The following RUNDC3B variants were observed in gnomAD, a reference collection of about 807,000 sequenced individuals.
RUNDC3B encodes RUN domain-containing protein 3B.
Under a neutral mutation model 58.4 loss-of-function variants are expected in RUNDC3B, and 33 were observed. The ratio of observed to expected loss-of-function variants is 0.56; its 90% CI spans 0.43 to 0.75. RUNDC3B has a LOEUF of 0.75. Ranked by LOEUF, RUNDC3B falls within the 30% of genes least tolerant of loss-of-function variation. RUNDC3B has a pLI of 0.00. For missense variants in RUNDC3B, 501 were observed against 535.7 expected (o/e 0.94, Z 0.64); for synonymous variants, 193 against 195.2 (o/e 0.99, Z 0.10).
rs535359624 is a variant in RUNDC3B, at chr7:87,642,326, G to T, written c.123-8496G>T. ...TAAACCATGAAGACTATATGTTATG[G>T]TTTTTTTCTGTTCTTCACGTTGTTC... On this transcript the variant is annotated intron_variant, in intron 1 of 10. Coordinates refer to ENST00000394654, the MANE Select transcript of RUNDC3B (RefSeq NM_001134405.2). 7.2e-5 allele frequency among the ~76,000 whole-genome samples: 11 copies of T among 152,028 alleles called. No homozygotes were observed. The East Asian group carries it at 1.4e-3, about 19-fold the overall frequency.
At chr7:87,700,015 T>C (rs1828879674) in intron 2 of RUNDC3B, among the ~76,000 whole-genome samples, 1 of 152,166 alleles carries the variant, frequency 6.6e-6, no homozygotes, top group African/African-American at 2.4e-5. Context: ...TTTTTTCTGT[T>C]TTTTTAAATA....
chr7:87,773,912 A>T (rs1834465506), intron 7 of RUNDC3B, among the ~76,000 whole-genome samples: 1 of 152,036 alleles, frequency 6.6e-6, no homozygotes, highest in Non-Finnish European at 1.5e-5. Context: ...TCCTGACCTC[A>T]AGTGATCTGC....
At chr7:87,663,764 A>T (rs1824948835) in intron 2 of RUNDC3B, among the ~76,000 whole-genome samples, 1 of 152,126 alleles carries the variant, frequency 6.6e-6, no homozygotes. Flanking sequence ...TTTATTTCTC[A>T]GTTCTGGAGG....
chr7:87,791,153 A>G (rs1283635319), intron 8 of RUNDC3B, among the ~76,000 whole-genome samples: 1 of 152,194 alleles, frequency 6.6e-6, no homozygotes, highest in Non-Finnish European at 1.5e-5. Context: ...CTCAGTGGAA[A>G]TCTTACAGGT....
At chr7:87,661,136 G>A (rs1456244294) in intron 2 of RUNDC3B, among the ~76,000 whole-genome samples, 1 of 151,088 alleles carries the variant, frequency 6.6e-6, no homozygotes, top group African/African-American at 2.4e-5. Context: ...TAATTTTATG[G>A]GTACATAGTA....
intron 2 of RUNDC3B, among the ~76,000 whole-genome samples, chr7:87,681,460 A>G (rs1826919669): frequency 6.6e-6 from 1 of 150,822 alleles, no homozygotes; most frequent in African/African-American, 2.5e-5. Flanking sequence ...GCAAGTCACA[A>G]AAAATTTTTG....
chr7:87,652,683 A>T (rs1823704196), intron 2 of RUNDC3B, among the ~76,000 whole-genome samples: 1 of 148,132 alleles, frequency 6.8e-6, no homozygotes, highest in Non-Finnish European at 1.5e-5. Context: ...TTTTGAGATG[A>T]GGTATTTTAA....
intron 4 of RUNDC3B, among the ~76,000 whole-genome samples, chr7:87,711,771 A>G (rs575501179): frequency 4.6e-5 from 7 of 152,276 alleles, no homozygotes; most frequent in Admixed American, 1.3e-4. Context: ...TGGTAACCCA[A>G]TTGGACAGAT....
At position 87,799,396 on chromosome 7, in the gene RUNDC3B, C is replaced by T. The variant is rs148162422; in HGVS notation, c.957-7977C>T. Among the ~76,000 whole-genome samples the T allele has an allele frequency of 1.2e-4, 19 of 152,260 alleles. No individual in the cohort carries two copies. In the East Asian group the frequency reaches 3.1e-3, roughly 25 times the overall value. ...GAGTCAGGGGTTAGAGTATATGTAA[C>T]ACCTTTATCTTTGGTGACTTTCCCT... is the stretch of plus-strand genomic sequence containing the variant. On this transcript the variant is annotated intron_variant, in intron 8 of 10. Coordinates refer to ENST00000394654, the MANE Select transcript of RUNDC3B (RefSeq NM_001134405.2).
chr7:87,702,102 C>T (rs1829108702), intron 3 of RUNDC3B, among the ~76,000 whole-genome samples: 2 of 123,512 alleles, frequency 1.6e-5, no homozygotes, highest in African/African-American at 6.3e-5. Context: ...GAGATCGCGC[C>T]ACTGCACTCC....
At chr7:87,775,317 T>A (rs139423140) in intron 7 of RUNDC3B, among the ~76,000 whole-genome samples, 1 of 152,332 alleles carries the variant, frequency 6.6e-6, no homozygotes, top group Admixed American at 6.5e-5. Flanking sequence ...AAAAAGTTTT[T>A]AAAATGTTTC....
In RUNDC3B at chr7:87,628,584, CGTGTGTGTGTGTGT is replaced by C. The variant is rs71117546; in HGVS notation, c.-212_-199del. ...CGAGGGCGGAGGTGGTGCGTGCGTGCGTGTGTGTGTGTGTGTGTGTGTGTGTGTGTGTGTGTGTG... is the reference window on the plus strand; with the variant it reads ...CGAGGGCGGAGGTGGTGCGTGCGTGCGTGTGTGTGTGTGTGTGTGTGTGTG... On this transcript the variant is annotated 5_prime_UTR_variant, in exon 1 of 11. Transcript: ENST00000394654. 3.9e-3 allele frequency: 1,142 copies of C among 290,108 alleles called. 6 individuals are homozygous for C. Among genetic ancestry groups the C allele is most frequent in the South Asian group, 0.021 (122 of 5,762 alleles). 18.0% of individuals were successfully genotyped at this position (290,108 alleles called of 1,614,324 possible). A position where few individuals can be genotyped will look rare whatever the true frequency, so the allele number is the denominator to read the frequency against.
intron 10 of RUNDC3B, among the ~76,000 whole-genome samples, chr7:87,827,760 A>G (rs1342812750): frequency 1.3e-5 from 2 of 152,196 alleles, no homozygotes; most frequent in African/African-American, 4.8e-5. Context: ...CAACATAATT[A>G]CTAGGGTATA....
chr7:87,684,237 CGTT>C (rs1279581962), intron 2 of RUNDC3B, among the ~76,000 whole-genome samples: 3 of 152,062 alleles, frequency 2.0e-5, no homozygotes, highest in African/African-American at 7.2e-5. Flanking sequence ...TTGGAAAACT[CGTT>C]GTTAAGATGT....
chr7:87,659,235 C>T (rs982375886), intron 2 of RUNDC3B: 4 of 422,256 alleles, frequency 9.5e-6, no homozygotes, highest in African/African-American at 8.3e-5. Flanking sequence ...TGGGTAAATA[C>T]ATTAGGCTTT....
Position 87,754,216 on chromosome 7 carries a change from A to G in RUNDC3B, c.629+12637A>G, listed in dbSNP as rs375401816. ...TAAAACAATCCTCAACAAATGCAAAAGAACCAAAATCATACCAAACACACT... is the reference window on the plus strand; with the variant it reads ...TAAAACAATCCTCAACAAATGCAAAGGAACCAAAATCATACCAAACACACT... On this transcript the variant is annotated intron_variant, in intron 6 of 10. Transcript: ENST00000394654. 2.6e-5 allele frequency among the ~76,000 whole-genome samples: 4 copies of G among 152,364 alleles called. No individual in the cohort carries two copies. The East Asian group carries it at 5.8e-4, about 22-fold the overall frequency.
At chr7:87,817,385 A>C (rs1195301301) in intron 10 of RUNDC3B, among the ~76,000 whole-genome samples, 1 of 152,200 alleles carries the variant, frequency 6.6e-6, no homozygotes, top group African/African-American at 2.4e-5. Context: ...AGCCTGCTTC[A>C]GACTCTCCAA....
chr7:87,831,930 G>A lies in RUNDC3B; in HGVS notation c.*1900G>A, dbSNP rs1004129732. ...GAAGGAAATTCAAGATTCCATAATC[G>A]TAAAATTTTTCAGATTTGTCTAATG... is the stretch of plus-strand genomic sequence containing the variant. On this transcript the variant is annotated 3_prime_UTR_variant, in exon 11 of 11. Coordinates refer to ENST00000394654, the MANE Select transcript of RUNDC3B (RefSeq NM_001134405.2). 4.6e-5 allele frequency: 7 copies of A among 151,948 alleles called. No individual in the cohort carries two copies. The highest frequency in any genetic ancestry group is 6.8e-3 in the Middle Eastern group (2 of 294). The allele number at this position is 151,948 out of a possible 1,614,324, so 9.4% of individuals were successfully genotyped here. A position where few individuals can be genotyped will look rare whatever the true frequency, so the allele number is the denominator to read the frequency against.
intron 6 of RUNDC3B, among the ~76,000 whole-genome samples, chr7:87,742,909 A>G (rs201153766): frequency 6.6e-5 from 10 of 151,960 alleles, no homozygotes; most frequent in African/African-American, 2.4e-4. Context: ...GTCAGGAGAT[A>G]GAGACCATCC....
Sources: gnomAD v4.1 joint callset for allele counts (sites outside exome capture counted in the v4.1 genomes callset) on GRCh38, gnomAD v4.1.1 for gene constraint, MANE v1.5 for transcripts, NCBI Gene and HGNC (gene_info 2026-07-23, HGNC 2026-07-21) for gene names.